The following NCKAP5 variants were observed in gnomAD, a reference collection of about 807,000 sequenced individuals.
The protein encoded by NCKAP5 is NCK associated protein 5.
In NCKAP5, 92 loss-of-function variants were observed where a neutral mutation model predicts 167.0. The ratio of observed to expected loss-of-function variants is 0.55; its 90% CI spans 0.47 to 0.66. NCKAP5 has a LOEUF of 0.66. Among genes scored for constraint, NCKAP5 ranks in the 30% least tolerant of loss-of-function variants. NCKAP5 has a pLI of 0.00. For synonymous variants in NCKAP5, 891 were observed against 877.4 expected (o/e 1.02, Z -0.27); for missense variants, 2,378 against 2,315.0 (o/e 1.03, Z -0.56).
intron 3 of NCKAP5, among the ~76,000 whole-genome samples, chr2:133,320,595 G>T (rs1681971804): frequency 6.6e-6 from 1 of 152,214 alleles, no homozygotes; most frequent in South Asian, 2.1e-4. Context: ...AGGCGTGGTG[G>T]TGGGCACCCG....
At chr2:133,198,930 A>T (rs996648251) in intron 5 of NCKAP5, among the ~76,000 whole-genome samples, 4 of 152,140 alleles carry the variant, frequency 2.6e-5, no homozygotes, top group Non-Finnish European at 5.9e-5. Context: ...CAGAAATAAA[A>T]GAAGTTAGAG....
intron 5 of NCKAP5, among the ~76,000 whole-genome samples, chr2:133,200,056 TC>T (rs2085610110): frequency 7.5e-6 from 1 of 133,970 alleles, no homozygotes; most frequent in South Asian, 2.3e-4. Context: ...GCTTTTTTTT[TC>T]TTTCTTTTTT....
Position 132,782,457 on chromosome 2 carries a change from G to A in NCKAP5, c.4354C>T (p.Pro1452Ser). The A allele has an allele frequency of 6.2e-7, 1 of 1,613,434 alleles. No homozygotes were observed. The change falls in exon 14 of 20, where the codon CCA (proline) becomes TCA (serine). Residue 1452 changes from proline (P) to serine (S), a missense_variant. Physicochemically the swap from Pro to Ser is moderately conservative, Grantham distance 74. Around this residue, in one of 3 missense-constraint regions of NCKAP5, gnomAD observed 1,325 missense variants for 1,274.5 expected, o/e 1.04. Coordinates refer to ENST00000409261, the MANE Select transcript of NCKAP5 (RefSeq NM_207363.3). The stretch of plus-strand genomic sequence containing the variant: ...TCAGTCGCGGTTGCAGAGGCATCTG[G>A]ATGCCTTCCAGAAGTTTCTAGCTTG... ...TSKLETSGRH[P>S]DASATATDAV...
intron 3 of NCKAP5, among the ~76,000 whole-genome samples, chr2:133,515,245 A>G (rs564600801): frequency 7.2e-5 from 11 of 152,326 alleles, no homozygotes; most frequent in Non-Finnish European, 1.2e-4. Flanking sequence ...TCTAGCTGCT[A>G]TTCTCCCAGA....
At chr2:132,674,697 A>G (rs370901788) in intron 19 of NCKAP5, among the ~76,000 whole-genome samples, 110 of 152,296 alleles carry the variant, frequency 7.2e-4, no homozygotes, top group African/African-American at 2.5e-3. Context: ...AAGAGAAGAG[A>G]GAGATGGAAG....
chr2:133,297,165 C>CTG (rs1224146505), intron 4 of NCKAP5, among the ~76,000 whole-genome samples: 2 of 122,164 alleles, frequency 1.6e-5, no homozygotes, highest in East Asian at 2.3e-4. Context: ...CAGGTTGTCA[C>CTG]AGTGTGTGTG....
At chr2:132,767,781 C>A (rs1370808233) in intron 16 of NCKAP5, among the ~76,000 whole-genome samples, 1 of 152,210 alleles carries the variant, frequency 6.6e-6, no homozygotes, top group Non-Finnish European at 1.5e-5. Context: ...CACCTATTGT[C>A]CCTCTGCATG....
At chr2:132,955,653 A>C (rs2076319387) in intron 8 of NCKAP5, among the ~76,000 whole-genome samples, 1 of 152,166 alleles carries the variant, frequency 6.6e-6, no homozygotes, top group Admixed American at 6.5e-5. Flanking sequence ...CATGATTTAT[A>C]ATCCTTTGGG....
Position 133,074,716 on chromosome 2 carries a change from G to A in NCKAP5, c.341+55262C>T, listed in dbSNP as rs2080538945. 3.3e-5 allele frequency among the ~76,000 whole-genome samples: 5 copies of A among 152,244 alleles called. No individual in the cohort carries two copies. In the South Asian group the frequency reaches 1.0e-3, roughly 32 times the overall value. The stretch of plus-strand genomic sequence containing the variant: ...AATCAATAAAATCTGAACATTCACT[G>A]AATCAGCTTAGTAGCAGAATAGAAA... On this transcript the variant is annotated intron_variant, in intron 6 of 19. Coordinates refer to ENST00000409261, the MANE Select transcript of NCKAP5 (RefSeq NM_207363.3).
chr2:133,213,635 A>T, intron 5 of NCKAP5, 81 bp downstream of exon 5: 1 of 1,356,346 alleles, frequency 7.4e-7, no homozygotes, highest in South Asian at 1.2e-5. Context: ...TTTTCCTTAG[A>T]TATCCTTAAT....
intron 8 of NCKAP5, among the ~76,000 whole-genome samples, chr2:132,925,010 C>G (rs1057295442): frequency 5.3e-5 from 8 of 152,006 alleles, no homozygotes; most frequent in African/African-American, 1.9e-4. Flanking sequence ...ATCTCATACC[C>G]CTACAGAGGC....
At chr2:132,908,997 G>A (rs1339233336) in intron 8 of NCKAP5, among the ~76,000 whole-genome samples, 1 of 152,014 alleles carries the variant, frequency 6.6e-6, no homozygotes, top group Non-Finnish European at 1.5e-5. Context: ...TTGAAATCTT[G>A]GTGTGATCAA....
chr2:133,656,311 G>A, the NCKAP5 span, among the ~76,000 whole-genome samples: 4 of 151,816 alleles, frequency 2.6e-5, no homozygotes, highest in Admixed American at 6.6e-5. Context: ...AGAAAATTAG[G>A]CAAAAAACAC....
At chr2:132,751,155 C>T (rs1395670125) in intron 16 of NCKAP5, among the ~76,000 whole-genome samples, 2 of 152,062 alleles carry the variant, frequency 1.3e-5, no homozygotes, top group South Asian at 2.1e-4. Context: ...GTGGATCCCT[C>T]ATGAATAGCT....
At chr2:133,573,551 C>T in the NCKAP5 span, among the ~76,000 whole-genome samples, 1 of 152,076 alleles carries the variant, frequency 6.6e-6, no homozygotes, top group Non-Finnish European at 1.5e-5. Context: ...TTTTCACCAG[C>T]GTAGGTTCTA....
intron 3 of NCKAP5, among the ~76,000 whole-genome samples, chr2:133,378,072 T>C (rs1022289986): frequency 3.9e-5 from 6 of 152,282 alleles, no homozygotes; most frequent in African/African-American, 1.2e-4. Context: ...GATACCTTAA[T>C]AGCTATATGC....
intron 5 of NCKAP5, among the ~76,000 whole-genome samples, chr2:133,183,966 T>C (rs2084839545): frequency 6.6e-6 from 1 of 152,130 alleles, no homozygotes; most frequent in Admixed American, 6.6e-5. Context: ...TATTTTTATT[T>C]TTTTTCTACT....
chr2:133,647,376 A>AAGGAAGGAAGGAAGG, the NCKAP5 span, among the ~76,000 whole-genome samples: 26 of 82,526 alleles, frequency 3.2e-4, no homozygotes, highest in Non-Finnish European at 4.6e-4. Flanking sequence ...AGGAAGAAAG[A>AAGGAAGGAAGGAAGG]AAGGAAGGAA....
At chr2:133,320,459 T>C (rs1681952889) in intron 3 of NCKAP5, among the ~76,000 whole-genome samples, 1 of 152,184 alleles carries the variant, frequency 6.6e-6, no homozygotes, top group African/African-American at 2.4e-5. Context: ...CTGGGTGCGG[T>C]GGCTCACGCC....
Sources: gnomAD v4.1 joint callset for allele counts (sites outside exome capture counted in the v4.1 genomes callset) on GRCh38, gnomAD v4.1.1 for gene constraint, gnomAD v4.1.1 regional missense constraint, MANE v1.5 for transcripts, NCBI Gene and HGNC (gene_info 2026-07-23, HGNC 2026-07-21) for gene names.